STK38: variants seen among roughly 807,000 people sequenced by gnomAD.
STK38 encodes serine/threonine-protein kinase 38.
Under a neutral mutation model 59.0 loss-of-function variants are expected in STK38, and 26 were observed. The observed-to-expected ratio is 0.44, with a 90% CI of 0.32 to 0.61. The LOEUF is 0.61. Among genes scored for constraint, STK38 ranks in the 20% least tolerant of loss-of-function variants. The pLI, the probability that STK38 is intolerant of heterozygous loss-of-function variation, is 0.04. For missense variants in STK38, 433 were observed against 566.0 expected (o/e 0.76, Z 2.38); for synonymous variants, 175 against 176.6 (o/e 0.99, Z 0.07).
At chr6:36,544,861 C>T (rs1241250013) in intron 1 of STK38, among the ~76,000 whole-genome samples, 3 of 152,060 alleles carry the variant, frequency 2.0e-5, no homozygotes, top group African/African-American at 7.3e-5. Context: ...CAGAGCAAGA[C>T]TCTGTCTTAA....
chr6:36,505,075 G>A (rs2127469693), intron 9 of STK38, among the ~76,000 whole-genome samples: 1 of 152,186 alleles, frequency 6.6e-6, no homozygotes, highest in East Asian at 1.9e-4. Context: ...CACATTCACT[G>A]CACAGTAGAA....
intron 9 of STK38, among the ~76,000 whole-genome samples, chr6:36,504,047 T>A (rs1233559107): frequency 1.3e-5 from 2 of 152,250 alleles, no homozygotes; most frequent in Admixed American, 1.3e-4. Flanking sequence ...ATAGCTCTGT[T>A]GGTTGTTAAC....
Position 36,507,587 on chromosome 6 carries a change from A to G in STK38, c.685T>C (p.Ser229Pro). The change falls in exon 8 of 14, where the codon TCT (serine) becomes CCT (proline). Residue 229 changes from serine (S) to proline (P), a missense_variant. By Grantham distance (74) the Ser-to-Pro change is moderately conservative. This residue lies in a region of STK38 where 293 missense variants were observed against 388.2 expected (regional missense o/e 0.75). Transcript: ENST00000229812. ...AGTCCTGTGCAAAGACCAAAGTCAG[A>G]AAGTTTCACATGGCCCTATGGGGAA... ...LLDSKGHVKL[S>P]DFGLCTGLKK... is the part of the protein sequence containing the mutation. 2 of 1,614,070 alleles carry G rather than the reference A, an allele frequency of 1.2e-6. No homozygotes were observed. The highest frequency in any genetic ancestry group is 1.7e-6 in the Non-Finnish European group (2 of 1,179,952).
At chr6:36,508,133 CCT>C (rs1777013543) in intron 7 of STK38, among the ~76,000 whole-genome samples, 3 of 151,824 alleles carry the variant, frequency 2.0e-5, no homozygotes, top group Admixed American at 6.6e-5. Context: ...ACAAGGTTTC[CCT>C]GTGTTTCCCA....
At position 36,515,371 on chromosome 6, in the gene STK38, G is replaced by A; in HGVS notation, c.636C>T (p.Asp212=). Residue 212 remains aspartate (D), a synonymous_variant, in exon 7 of 14, where the codon GAC becomes GAT. Coordinates refer to ENST00000229812, the MANE Select transcript of STK38 (RefSeq NM_007271.4). ...CCAAAAGAAGGTTGTCTGGTTTGAT[G>A]TCTCTGTGGATGAATCCAAGTTGGT... ...SIHQLGFIHR[D]IKPDNLLLDS... 3.7e-6 allele frequency: 6 copies of A among 1,614,138 alleles called. No individual in the cohort carries two copies. The highest frequency in any genetic ancestry group is 2.2e-5 in the East Asian group (1 of 44,878).
Position 36,524,414 on chromosome 6 carries a change from C to T in STK38, c.233G>A (p.Arg78His), listed in dbSNP as rs766543093. The T allele has an allele frequency of 1.9e-6, 3 of 1,613,126 alleles. No homozygotes were observed. The highest frequency in any genetic ancestry group is 1.1e-5 in the South Asian group (1 of 90,870). ...CAATCCAAGTCTTGTTCTCTTCAAA[C>T]GAAGAAACTCTGTTTCCTTCCGAGC... ...AHARKETEFL[R>H]LKRTRLGLED... The change falls in exon 4 of 14, where the codon CGT becomes CAT. Residue 78 changes from arginine to histidine, a missense_variant. This residue lies in a region of STK38 where 293 missense variants were observed against 388.2 expected (regional missense o/e 0.75). Coordinates refer to ENST00000229812, the MANE Select transcript of STK38 (RefSeq NM_007271.4).
intron 9 of STK38, among the ~76,000 whole-genome samples, chr6:36,506,370 G>T (rs538067777): frequency 6.6e-6 from 1 of 152,062 alleles, no homozygotes; most frequent in African/African-American, 2.4e-5. Context: ...GGTCGCCCAC[G>T]GAAAATGTCA....
At chr6:36,525,016 G>A (rs1777476620) in intron 3 of STK38, among the ~76,000 whole-genome samples, 1 of 152,042 alleles carries the variant, frequency 6.6e-6, no homozygotes, top group Non-Finnish European at 1.5e-5. Flanking sequence ...GGGCTGATTT[G>A]AGATGGATAT....
chr6:36,503,942 G>C (rs1212785994), intron 9 of STK38, among the ~76,000 whole-genome samples: 10 of 152,122 alleles, frequency 6.6e-5, no homozygotes, highest in Non-Finnish European at 1.5e-4. Context: ...TTCCACACCA[G>C]GGTGTCCTCC....
At chr6:36,501,892 G>C (rs1178499764) in intron 9 of STK38, among the ~76,000 whole-genome samples, 2 of 152,144 alleles carry the variant, frequency 1.3e-5, no homozygotes, top group African/African-American at 4.8e-5. Context: ...AATAACACCT[G>C]AATAAACATT....
chr6:36,495,560 C>T lies in STK38; in HGVS notation c.*224G>A. The T allele has an allele frequency of 2.2e-6, 1 of 461,004 alleles. No individual in the cohort carries two copies. Among genetic ancestry groups the T allele is most frequent in the Non-Finnish European group, 3.8e-6 (1 of 262,206 alleles). 28.6% of individuals were successfully genotyped at this position (461,004 alleles called of 1,614,324 possible). A position where few individuals can be genotyped will look rare whatever the true frequency, so the allele number is the denominator to read the frequency against. On this transcript the variant is annotated 3_prime_UTR_variant, in exon 14 of 14. Transcript: ENST00000229812. ...GGCTCATGATGCTTCTCTTCCAAAG[C>T]AGGATAGCTGTTTATGGCCGACGTA...
At chr6:36,497,984 G>C (rs1776746847) in intron 11 of STK38, 109 bp from the exon 12 acceptor site, 1 of 740,522 alleles carries the variant, frequency 1.4e-6, no homozygotes, top group African/African-American at 1.8e-5. Flanking sequence ...CTGTCACCCA[G>C]GCTGGAGTGC....
chr6:36,523,124 C>A (rs1777422024), intron 4 of STK38, among the ~76,000 whole-genome samples: 1 of 152,048 alleles, frequency 6.6e-6, no homozygotes, highest in African/African-American at 2.4e-5. Context: ...CCCTTCCTTG[C>A]CAAACAGAAA....
chr6:36,510,346 G>T (rs1777078726), intron 7 of STK38, among the ~76,000 whole-genome samples: 1 of 152,246 alleles, frequency 6.6e-6, no homozygotes, highest in Non-Finnish European at 1.5e-5. Flanking sequence ...CCAGGTCTCA[G>T]TAGAACCCAG....
intron 6 of STK38, among the ~76,000 whole-genome samples, chr6:36,517,368 T>C (rs1050056551): frequency 1.3e-5 from 2 of 152,204 alleles, no homozygotes; most frequent in African/African-American, 2.4e-5. Flanking sequence ...AAGGATGTTA[T>C]AGCTTCAATG....
chr6:36,511,062 TGCTCAGGGTTACACAATCAGAA>T (rs1254296525), intron 7 of STK38, among the ~76,000 whole-genome samples: 1 of 152,176 alleles, frequency 6.6e-6, no homozygotes, highest in Admixed American at 6.5e-5. Flanking sequence ...AGATCTACCT[TGCTCAGGGTTACACAATCAGAA>T]GTGGTGTGGC....
intron 7 of STK38, among the ~76,000 whole-genome samples, chr6:36,513,556 G>A (rs1218531534): frequency 4.7e-5 from 7 of 149,660 alleles, no homozygotes; most frequent in Admixed American, 3.3e-4. Context: ...CTCGTGATCC[G>A]CCTGCCTCGG....
At chr6:36,501,855 C>T (rs972641082) in intron 9 of STK38, among the ~76,000 whole-genome samples, 1 of 152,230 alleles carries the variant, frequency 6.6e-6, no homozygotes, top group African/African-American at 2.4e-5. Context: ...TGGACAGTTA[C>T]AGTGCTTCCA....
intron 7 of STK38, among the ~76,000 whole-genome samples, chr6:36,508,222 C>T (rs1582415011): frequency 6.6e-6 from 1 of 152,148 alleles, no homozygotes; most frequent in East Asian, 1.9e-4. Flanking sequence ...AGGCATGCGC[C>T]ACCACACCTG....
Sources: gnomAD v4.1 joint callset for allele counts (sites outside exome capture counted in the v4.1 genomes callset) on GRCh38, gnomAD v4.1.1 for gene constraint, gnomAD v4.1.1 regional missense constraint, MANE v1.5 for transcripts, NCBI Gene and HGNC (gene_info 2026-07-23, HGNC 2026-07-21) for gene names.